The following SLC12A8 variants were observed in gnomAD, a reference collection of about 807,000 sequenced individuals.
The protein encoded by SLC12A8 is cation-chloride cotransporter 9.
In SLC12A8, 69 loss-of-function variants were observed where a neutral mutation model predicts 75.6. The observed-to-expected ratio is 0.91, with a 90% CI of 0.75 to 1.11. The LOEUF (loss-of-function observed/expected upper bound fraction) is 1.11, where lower values mean the gene tolerates loss of function less well. Among genes scored for constraint, SLC12A8 ranks in the 50% most tolerant of loss-of-function variants. The pLI is 0.00. For synonymous variants in SLC12A8, 365 were observed against 372.8 expected, an observed-to-expected ratio of 0.98 and a Z score of 0.24; for missense variants, 877 against 896.7, an observed-to-expected ratio of 0.98 and a Z score of 0.28.
At chr3:125,195,358 C>T (rs1342232834) in intron 2 of SLC12A8, among the ~76,000 whole-genome samples, 3 of 152,188 alleles carry the variant, frequency 2.0e-5, no homozygotes, top group African/African-American at 4.8e-5. Flanking sequence ...TTGAGTGCTG[C>T]CCCATGTGAC....
chr3:125,152,818 A>C (rs763687057), intron 5 of SLC12A8, among the ~76,000 whole-genome samples: 1 of 152,234 alleles, frequency 6.6e-6, no homozygotes. Context: ...AGCATTAATC[A>C]GAAAAGCATA....
chr3:125,211,149 A>C (rs1254754917), intron 2 of SLC12A8, 150 bp downstream of exon 2: 1 of 719,196 alleles, frequency 1.4e-6, no homozygotes, highest in African/African-American at 1.7e-5. Context: ...TTTTGGCTAT[A>C]ATATTTTCTC....
At chr3:125,178,609 A>G (rs1934589060) in intron 4 of SLC12A8, among the ~76,000 whole-genome samples, 1 of 152,214 alleles carries the variant, frequency 6.6e-6, no homozygotes, top group Admixed American at 6.5e-5. Context: ...ATTTTTTTCC[A>G]GTACAGATGC....
In SLC12A8 at chr3:125,108,730, C is replaced by T. The variant is rs376766075; in HGVS notation, c.1060-604G>A. Among the ~76,000 whole-genome samples, 48 of 152,306 alleles carry T rather than the reference C, an allele frequency of 3.2e-4. No homozygotes were observed. In the South Asian group the frequency reaches 9.3e-3, roughly 30 times the overall value. On this transcript the variant is annotated intron_variant, in intron 9 of 13. Transcript: ENST00000469902. Reference sequence around the variant, plus strand: ...ACTTTGACTTCCCAAATATTTCCTCCTTTTGTCTTTCATTGGGTTTTAATA... The same window carrying T: ...ACTTTGACTTCCCAAATATTTCCTCTTTTTGTCTTTCATTGGGTTTTAATA...
Position 125,092,152 on chromosome 3 carries a change from T to C in SLC12A8, c.1752A>G (p.Arg584=), listed in dbSNP as rs1184772577. The change falls in exon 11 of 14, where the codon AGA becomes AGG. Residue 584 remains arginine (R), a synonymous_variant. Coordinates refer to ENST00000469902, the MANE Select transcript of SLC12A8 (RefSeq NM_024628.6). ...ACATGTGGGTATAGAAAGAAGTGGA[T>C]CTTCTCCAGACATCTTGTTCTTGGA... ...SRLQEQDVWR[R]STSFYTHMCN... is the part of the protein sequence containing the mutation. 11 of 1,613,182 alleles carry C rather than the reference T, an allele frequency of 6.8e-6. No homozygotes were observed. Among genetic ancestry groups the C allele is most frequent in the Non-Finnish European group, 9.3e-6 (11 of 1,179,298 alleles).
intron 2 of SLC12A8, chr3:125,206,809 C>T (rs1249352361): frequency 6.6e-6 from 1 of 152,196 alleles, no homozygotes; most frequent in Non-Finnish European, 1.5e-5. Context: ...CTTATGTCAC[C>T]AGAGCAGGAG....
chr3:125,173,185 A>G (rs908951138), intron 5 of SLC12A8, among the ~76,000 whole-genome samples: 6 of 152,174 alleles, frequency 3.9e-5, no homozygotes, highest in African/African-American at 1.4e-4. Flanking sequence ...ATCTCAAAAA[A>G]ACAAACAAAC....
chr3:125,185,001 G>A (rs1478485209), intron 4 of SLC12A8, among the ~76,000 whole-genome samples: 1 of 152,006 alleles, frequency 6.6e-6, no homozygotes, highest in African/African-American at 2.4e-5. Flanking sequence ...TTAATATGCC[G>A]ATGCATTAGA....
intron 5 of SLC12A8, among the ~76,000 whole-genome samples, chr3:125,169,783 T>C (rs491370): frequency 0.9 from 136,897 of 152,158 alleles, 62,036 homozygotes; most frequent in Admixed American, 0.95. Context: ...ATCACCCTAC[T>C]GTGATGCCCA....
intron 5 of SLC12A8, among the ~76,000 whole-genome samples, chr3:125,156,246 G>A (rs1381894964): frequency 2.0e-5 from 3 of 152,198 alleles, no homozygotes; most frequent in Admixed American, 6.5e-5. Flanking sequence ...AAGGCATTTC[G>A]TCACTGAATC....
At chr3:125,155,415 A>G (rs1304629326) in intron 5 of SLC12A8, among the ~76,000 whole-genome samples, 1 of 152,080 alleles carries the variant, frequency 6.6e-6, no homozygotes, top group Non-Finnish European at 1.5e-5. Flanking sequence ...TGATAAGGAC[A>G]CTGTGAGATT....
At chr3:125,203,226 A>G (rs546969534) in intron 2 of SLC12A8, among the ~76,000 whole-genome samples, 4 of 152,230 alleles carry the variant, frequency 2.6e-5, no homozygotes, top group African/African-American at 9.6e-5. Context: ...AAATAGAAAA[A>G]AAAAACCCTA....
At chr3:125,108,874 C>CTGAGTGTG (rs1939108293) in intron 9 of SLC12A8, among the ~76,000 whole-genome samples, 2 of 152,184 alleles carry the variant, frequency 1.3e-5, no homozygotes, top group African/African-American at 4.8e-5. Flanking sequence ...AATTCTGACA[C>CTGAGTGTG]TGAGTATCCG....
At chr3:125,176,771 T>C (rs1263983694) in intron 5 of SLC12A8, among the ~76,000 whole-genome samples, 1 of 145,906 alleles carries the variant, frequency 6.9e-6, no homozygotes, top group Non-Finnish European at 1.5e-5. Flanking sequence ...AAAACCACAA[T>C]GAGATACCAT....
intron 5 of SLC12A8, among the ~76,000 whole-genome samples, chr3:125,173,466 A>AAAAAAAAAAAC (rs1934451440): frequency 6.6e-6 from 1 of 151,122 alleles, no homozygotes; most frequent in African/African-American, 2.4e-5. Context: ...AAAAAAAAAA[A>AAAAAAAAAAAC]AAAAAAAAAC....
At chr3:125,172,119 T>C (rs1232786243) in intron 5 of SLC12A8, among the ~76,000 whole-genome samples, 1 of 151,724 alleles carries the variant, frequency 6.6e-6, no homozygotes, top group Non-Finnish European at 1.5e-5. Context: ...ACTAAAAATA[T>C]AAAAATTAGC....
chr3:125,119,629 ACTCAACTCT>A (rs1403114934), intron 7 of SLC12A8, among the ~76,000 whole-genome samples: 2 of 151,944 alleles, frequency 1.3e-5, no homozygotes, highest in African/African-American at 2.4e-5. Flanking sequence ...CCTTCCCAAC[ACTCAACTCT>A]ATCTCTGTTG....
rs74402096 is a variant in SLC12A8 at position 125,139,995 on chromosome 3, C to T, written c.623-4213G>A. On this transcript the variant is annotated intron_variant, in intron 5 of 13. Transcript: ENST00000469902. ...CTCTACTCTAGCAGCTACATCTGCA[C>T]GTGAGATTGTCCCGCCAGGAGGCAC... Among the ~76,000 whole-genome samples the T allele has an allele frequency of 2.3e-3, 343 of 152,328 alleles. 5 individuals are homozygous for T. In the East Asian group the frequency reaches 0.03, roughly 14 times the overall value.
At chr3:125,128,881 A>G (rs1003107853) in intron 6 of SLC12A8, among the ~76,000 whole-genome samples, 7 of 152,172 alleles carry the variant, frequency 4.6e-5, no homozygotes, top group East Asian at 1.9e-4. Flanking sequence ...AGGGGTGAGC[A>G]CTAACAGCCG....
Sources: gnomAD v4.1 joint callset for allele counts (sites outside exome capture counted in the v4.1 genomes callset) on GRCh38, gnomAD v4.1.1 for gene constraint, MANE v1.5 for transcripts, NCBI Gene and HGNC (gene_info 2026-07-23, HGNC 2026-07-21) for gene names.